Variants in PNKD observed in about 807,000 individuals in gnomAD.
PNKD encodes the protein probable thioesterase PNKD.
PNKD carries 36 observed loss-of-function variants against 45.3 expected under a neutral mutation model. That is an observed-to-expected ratio of 0.80 (90% CI 0.61 to 1.05). PNKD has a LOEUF of 1.05. Among genes scored for constraint, PNKD ranks in the 50% least tolerant of loss-of-function variants. The probability of loss-of-function intolerance (pLI) is 0.00; values close to 1 mark genes in which losing one functional copy is unlikely to be tolerated. For missense variants in PNKD, 511 were observed against 506.6 expected (o/e 1.01, Z -0.08); for synonymous variants, 197 against 210.1 (o/e 0.94, Z 0.54).
intron 2 of PNKD, chr2:218,282,177 G>A: frequency 7.0e-7 from 1 of 1,430,062 alleles, no homozygotes; most frequent in Non-Finnish European, 9.2e-7. Context: ...CCCAGCTGCT[G>A]GGACCTGAAA....
At chr2:218,278,022 C>T (rs373812380) in intron 2 of PNKD, 136 of 1,606,656 alleles carry the variant, frequency 8.5e-5, no homozygotes, top group Middle Eastern at 1.7e-4. Context: ...GCCCCTCAGG[C>T]GTCAGAGGCT....
intron 2 of PNKD, chr2:218,274,707 T>G (rs201491578): frequency 2.6e-5 from 4 of 155,428 alleles, no homozygotes; most frequent in Non-Finnish European, 5.9e-5. Context: ...TCCAGAAGCC[T>G]GCAAGGAGGC....
Position 218,271,416 on chromosome 2 carries a change from C to T in PNKD, c.103C>T (p.His35Tyr), listed in dbSNP as rs1172387897. Residue 35 changes from histidine to tyrosine, a missense_variant, in exon 2 of 10, where the codon CAT (histidine) becomes TAT (tyrosine). Transcript: ENST00000273077. ...LAGATANKAS[H>Y]NRTRALQSHS... is the part of the protein sequence containing the mutation. ...AGGAGCCACAGCTAACAAGGCTTCT[C>T]ATAACAGGACCCGGGCCCTGCAAAG... 3.1e-6 allele frequency: 5 copies of T among 1,613,992 alleles called. No homozygotes were observed. Among genetic ancestry groups the T allele is most frequent in the East Asian group, 2.2e-5 (1 of 44,892 alleles).
At chr2:218,322,961 C>G (rs1265541339) in intron 2 of PNKD, among the ~76,000 whole-genome samples, 1 of 151,962 alleles carries the variant, frequency 6.6e-6, no homozygotes, top group Non-Finnish European at 1.5e-5. Flanking sequence ...ACTGCGAGCT[C>G]CTGCCCCTTC....
chr2:218,323,521 G>C, intron 2 of PNKD: 1 of 1,194,182 alleles, frequency 8.4e-7, no homozygotes, highest in Non-Finnish European at 1.1e-6. Context: ...CTGGGGGTGG[G>C]CGTGGCGGTT....
At chr2:218,303,574 C>CTTTTTT (rs59067154) in intron 2 of PNKD, among the ~76,000 whole-genome samples, 2 of 101,668 alleles carry the variant, frequency 2.0e-5, no homozygotes, top group African/African-American at 3.5e-5. Context: ...ACCTGCACTT[C>CTTTTTT]TTTTTTTTTT....
intron 2 of PNKD, among the ~76,000 whole-genome samples, chr2:218,324,185 C>T (rs1337755695): frequency 6.6e-6 from 1 of 152,194 alleles, no homozygotes; most frequent in Non-Finnish European, 1.5e-5. Flanking sequence ...GCCCCAGGGA[C>T]ACTGAGAGGC....
intron 2 of PNKD, among the ~76,000 whole-genome samples, chr2:218,304,041 C>T (rs906963042): frequency 6.6e-6 from 1 of 152,150 alleles, no homozygotes; most frequent in South Asian, 2.1e-4. Context: ...GAGATGGCAG[C>T]AGAGGTGGAG....
chr2:218,335,338 G>A (rs990635394), intron 2 of PNKD, among the ~76,000 whole-genome samples: 5 of 151,880 alleles, frequency 3.3e-5, no homozygotes, highest in Admixed American at 1.3e-4. Context: ...AAAATTAGAC[G>A]GGCGTGGTGT....
intron 2 of PNKD, among the ~76,000 whole-genome samples, chr2:218,298,785 G>A (rs973618618): frequency 9.2e-5 from 14 of 152,104 alleles, no homozygotes; most frequent in African/African-American, 3.4e-4. Context: ...CAGCTTTCAA[G>A]CCCCTCTCCT....
At chr2:218,281,219 C>T (rs547829878) in intron 2 of PNKD, among the ~76,000 whole-genome samples, 10 of 145,644 alleles carry the variant, frequency 6.9e-5, no homozygotes, top group African/African-American at 2.3e-4. Context: ...CTGCAACCTC[C>T]ACCTCCTGGG....
intron 2 of PNKD, chr2:218,317,903 A>C (rs954784488): frequency 6.6e-6 from 1 of 152,190 alleles, no homozygotes; most frequent in Non-Finnish European, 1.5e-5. Context: ...AACTGAACTA[A>C]TTTCTCCACC....
intron 2 of PNKD, among the ~76,000 whole-genome samples, chr2:218,299,042 G>A (rs964462961): frequency 2.0e-5 from 3 of 152,070 alleles, no homozygotes; most frequent in African/African-American, 4.8e-5. Context: ...CTCTGTGACC[G>A]TGATTTGACA....
Position 218,340,815 on chromosome 2 carries a change from C to A in PNKD, c.524+29C>A. The A allele has an allele frequency of 6.3e-7, 1 of 1,597,492 alleles. No individual in the cohort carries two copies. The highest frequency in any genetic ancestry group is 8.6e-7 in the Non-Finnish European group (1 of 1,164,842). On this transcript the variant is annotated intron_variant, in intron 5 of 9. Transcript: ENST00000273077. This position sits in a 1 kb window ranked among gnomAD's most constrained non-coding sequence, Gnocchi z 4.2. ...AGGGGCTCCCGTCTTCCCTGGCCCA[C>A]CCTTGTCCCAGCTGGGCTTGCCAGG...
At chr2:218,279,601 G>T in intron 2 of PNKD, 1 of 505,862 alleles carries the variant, frequency 2.0e-6, no homozygotes, top group Non-Finnish European at 3.5e-6. Context: ...TGCCCTGCCT[G>T]GCCACCATAC....
At position 218,344,832 on chromosome 2, in the gene PNKD, C is replaced by G. The variant is rs1694784083; in HGVS notation, c.1009C>G (p.Arg337Gly). Residue 337 changes from arginine to glycine, a missense_variant, in exon 10 of 10, where the codon CGC becomes GGC. Physicochemically the swap from Arg to Gly is moderately radical, Grantham distance 125. Coordinates refer to ENST00000273077, the MANE Select transcript of PNKD (RefSeq NM_015488.5). ...GTCPSTLGEERSYNPFLRTHC... is the reference protein window; with the variant it reads ...GTCPSTLGEEGSYNPFLRTHC... ...GTGCCCATCTACCCTGGGAGAGGAG[C>G]GCTCCTACAACCCGTTCCTGAGAAC... 1.2e-6 allele frequency: 2 copies of G among 1,613,794 alleles called. No individual in the cohort carries two copies. The highest frequency in any genetic ancestry group is 1.3e-5 in the African/African-American group (1 of 74,920).
intron 2 of PNKD, chr2:218,280,805 C>CTTTTTTTTTTTTTTTTTTTTTTTTTTTTT (rs950294415): frequency 9.6e-6 from 1 of 104,042 alleles, no homozygotes; most frequent in Non-Finnish European, 1.8e-5. Flanking sequence ...ACCTCATTTC[C>CTTTTTTTTTTTTTTTTTTTTTTTTTTTTT]TTTTTTTTTT....
At chr2:218,278,827 C>T (rs1208110745) in intron 2 of PNKD, among the ~76,000 whole-genome samples, 1 of 152,208 alleles carries the variant, frequency 6.6e-6, no homozygotes, top group Non-Finnish European at 1.5e-5. Context: ...GTGCACGCCA[C>T]CACCAGCAGG....
chr2:218,293,811 G>A (rs554780006), intron 2 of PNKD, among the ~76,000 whole-genome samples: 6 of 149,614 alleles, frequency 4.0e-5, no homozygotes, highest in South Asian at 4.2e-4. Context: ...GGGTTTTCAC[G>A]TTGTTGCATA....
Sources: gnomAD v4.1 joint callset for allele counts (sites outside exome capture counted in the v4.1 genomes callset) on GRCh38, gnomAD v4.1.1 for gene constraint, Gnocchi (gnomAD v3.1) non-coding constraint, MANE v1.5 for transcripts, NCBI Gene and HGNC (gene_info 2026-07-23, HGNC 2026-07-21) for gene names.